BICD1: variants seen among roughly 807,000 people sequenced by gnomAD.
The protein encoded by BICD1 is protein bicaudal D homolog 1.
Under a neutral mutation model 92.5 loss-of-function variants are expected in BICD1, and 35 were observed. The ratio of observed to expected loss-of-function variants is 0.38; its 90% CI spans 0.29 to 0.50. BICD1 has a LOEUF of 0.50. Among genes scored for constraint, BICD1 ranks in the 20% least tolerant of loss-of-function variants. The probability of loss-of-function intolerance (pLI) is 0.93; values close to 1 mark genes in which losing one functional copy is unlikely to be tolerated. For synonymous variants in BICD1, 429 were observed against 465.1 expected, an observed-to-expected ratio of 0.92 and a Z score of 1.00; for missense variants, 950 against 1,189.8, an observed-to-expected ratio of 0.80 and a Z score of 2.97.
intron 4 of BICD1, among the ~76,000 whole-genome samples, chr12:32,325,255 C>T (rs1267101249): frequency 1.3e-5 from 2 of 152,022 alleles, no homozygotes; most frequent in Non-Finnish European, 2.9e-5. Context: ...CACTAGGAGA[C>T]AAGACAAGGC....
chr12:32,355,000 C>A (rs539066422), intron 8 of BICD1, among the ~76,000 whole-genome samples: 2 of 152,220 alleles, frequency 1.3e-5, no homozygotes, highest in African/African-American at 4.8e-5. Flanking sequence ...TGCTTCTTTC[C>A]ATTAACCTTT....
chr12:32,152,570 GAA>G (rs760493957), intron 1 of BICD1, among the ~76,000 whole-genome samples: 10 of 152,198 alleles, frequency 6.6e-5, no homozygotes, highest in Non-Finnish European at 1.2e-4. Flanking sequence ...CAGGGAGAGA[GAA>G]ATTGATTGGC....
intron 1 of BICD1, among the ~76,000 whole-genome samples, chr12:32,146,446 G>A (rs1298111324): frequency 6.6e-6 from 1 of 152,198 alleles, no homozygotes; most frequent in African/African-American, 2.4e-5. Flanking sequence ...TAGGCAGGTG[G>A]AAATATACTT....
At chr12:32,319,404 T>A (rs772486579) in intron 4 of BICD1, among the ~76,000 whole-genome samples, 1 of 152,240 alleles carries the variant, frequency 6.6e-6, no homozygotes, top group African/African-American at 2.4e-5. Context: ...TTATTGACTC[T>A]TGAATGTTAA....
At chr12:32,334,198 C>G (rs1938000617) in intron 5 of BICD1, among the ~76,000 whole-genome samples, 2 of 152,092 alleles carry the variant, frequency 1.3e-5, no homozygotes, top group Admixed American at 1.3e-4. Flanking sequence ...TGGCTCCCTC[C>G]TTGTCCTAAA....
At chr12:32,145,282 G>T (rs2594013) in intron 1 of BICD1, among the ~76,000 whole-genome samples, 20,914 of 152,178 alleles carry the variant, frequency 0.14, 1,660 homozygotes, top group East Asian at 0.22. Flanking sequence ...ACGAGATAAT[G>T]ATGTGGATGT....
chr12:32,182,528 C>T (rs1312357333), intron 1 of BICD1, among the ~76,000 whole-genome samples: 1 of 151,496 alleles, frequency 6.6e-6, no homozygotes, highest in East Asian at 1.9e-4. Context: ...AGTGATCTGC[C>T]CACCTTGGAG....
At chr12:32,245,269 C>T (rs141478984) in intron 2 of BICD1, among the ~76,000 whole-genome samples, 2,123 of 142,650 alleles carry the variant, frequency 0.015, 48 homozygotes, top group African/African-American at 0.05. Flanking sequence ...TTTTTTGAGA[C>T]GGAGTCTCGC....
chr12:32,233,712 C>G (rs530526446), intron 2 of BICD1, among the ~76,000 whole-genome samples: 2 of 152,290 alleles, frequency 1.3e-5, no homozygotes, highest in South Asian at 4.1e-4. Flanking sequence ...TTCTCCCACC[C>G]TAAGTTCAGG....
chr12:32,175,850 A>G (rs1005108509), intron 1 of BICD1, among the ~76,000 whole-genome samples: 1 of 152,162 alleles, frequency 6.6e-6, no homozygotes, highest in African/African-American at 2.4e-5. Flanking sequence ...TCCTCCTAAT[A>G]GGATCTCTCA....
intron 1 of BICD1, among the ~76,000 whole-genome samples, chr12:32,161,524 C>A (rs1943600329): frequency 6.6e-6 from 1 of 152,136 alleles, no homozygotes. Context: ...GATATCTAAA[C>A]TCCTGATCAT....
At chr12:32,301,688 T>C (rs1386160289) in intron 3 of BICD1, among the ~76,000 whole-genome samples, 1 of 151,336 alleles carries the variant, frequency 6.6e-6, no homozygotes, top group African/African-American at 2.4e-5. Context: ...GGTGGGAGGA[T>C]TGATTGAGAC....
chr12:32,292,098 T>G (rs544821593), intron 2 of BICD1, among the ~76,000 whole-genome samples: 2 of 152,278 alleles, frequency 1.3e-5, no homozygotes, highest in African/African-American at 4.8e-5. Flanking sequence ...CAACAGAAAT[T>G]TATCGTCTCA....
chr12:32,216,497 G>C (rs1254702101), intron 2 of BICD1, 38 bp downstream of exon 2: 1 of 1,588,788 alleles, frequency 6.3e-7, no homozygotes, highest in African/African-American at 1.3e-5. Flanking sequence ...TTTGTGAGAG[G>C]GAGAAATAAG....
rs116267700 is a variant in BICD1 at position 32,149,765 on chromosome 12, C to T, written c.213+42221C>T. The stretch of plus-strand genomic sequence containing the variant: ...GTGTCTGGTGGGAGCTTGCTGTCTG[C>T]TTCACAGATGGTGCCTTCTTATGGC... On this transcript the variant is annotated intron_variant, in intron 1 of 9. Coordinates refer to ENST00000652176, the MANE Select transcript of BICD1 (RefSeq NM_001714.4). 6.1e-3 allele frequency among the ~76,000 whole-genome samples: 926 copies of T among 152,260 alleles called. 16 individuals carry two copies. Among genetic ancestry groups the T allele is most frequent in the African/African-American group, 0.021 (864 of 41,556 alleles).
intron 1 of BICD1, among the ~76,000 whole-genome samples, chr12:32,158,608 C>T (rs1490702617): frequency 6.6e-6 from 1 of 152,212 alleles, no homozygotes; most frequent in Admixed American, 6.5e-5. Context: ...GCTCCCTCTT[C>T]CTGTGTGGAG....
At chr12:32,316,072 G>T (rs1948492445) in intron 4 of BICD1, among the ~76,000 whole-genome samples, 1 of 150,812 alleles carries the variant, frequency 6.6e-6, no homozygotes, top group African/African-American at 2.4e-5. Flanking sequence ...GGAGCCAGAG[G>T]TTGCAGTGAT....
At chr12:32,137,010 C>T (rs1942755701) in intron 1 of BICD1, among the ~76,000 whole-genome samples, 1 of 152,170 alleles carries the variant, frequency 6.6e-6, no homozygotes, top group East Asian at 1.9e-4. Flanking sequence ...GGAGCTAAAA[C>T]ACTGTTTTGG....
rs1940178628 is a variant in BICD1, at chr12:32,381,508, T to G, written c.*3881T>G. On this transcript the variant is annotated 3_prime_UTR_variant, in exon 10 of 10. Coordinates refer to ENST00000652176, the MANE Select transcript of BICD1 (RefSeq NM_001714.4). ...TCCAATAACCTAAGAATGTGGAGAT[T>G]TCTTGATATTCTGTATTAATTAAAG... is the stretch of plus-strand genomic sequence containing the variant. The G allele has an allele frequency of 3.9e-5, 6 of 152,130 alleles. No individual in the cohort carries two copies. The highest frequency in any genetic ancestry group is 3.3e-4 in the Admixed American group (5 of 15,262). 9.4% of individuals were successfully genotyped at this position (152,130 alleles called of 1,614,324 possible). A position where few individuals can be genotyped will look rare whatever the true frequency, so the allele number is the denominator to read the frequency against.
Sources: allele counts gnomAD v4.1 joint callset (sites outside exome capture counted in the v4.1 genomes callset), GRCh38; gene constraint gnomAD v4.1.1; transcripts MANE v1.5; gene names NCBI Gene and HGNC (gene_info 2026-07-23, HGNC 2026-07-21).